The following FAM161A variants were observed in gnomAD, a reference collection of about 807,000 sequenced individuals.
The protein encoded by FAM161A is FAM161 centrosomal protein A.
FAM161A carries 57 observed loss-of-function variants against 70.9 expected under a neutral mutation model. The ratio of observed to expected loss-of-function variants is 0.80; its 90% confidence interval spans 0.65 to 1.00. The LOEUF is 1.00. FAM161A is among the 50% of genes least tolerant of loss of function. The pLI, the probability that FAM161A is intolerant of heterozygous loss-of-function variation, is 0.00. For synonymous variants in FAM161A, 299 were observed against 295.7 expected, an observed-to-expected ratio of 1.01 and a Z score of -0.12; for missense variants, 880 against 836.0, an observed-to-expected ratio of 1.05 and a Z score of -0.65.
intron 1 of FAM161A, among the ~76,000 whole-genome samples, chr2:61,852,757 G>A (rs960570937): frequency 6.6e-6 from 1 of 152,096 alleles, no homozygotes; most frequent in African/African-American, 2.4e-5. Flanking sequence ...GTCACAAAAG[G>A]TGTTGCTAAA....
At chr2:61,850,484 G>A (rs770930556) in intron 1 of FAM161A, among the ~76,000 whole-genome samples, 1 of 152,164 alleles carries the variant, frequency 6.6e-6, no homozygotes, top group Non-Finnish European at 1.5e-5. Context: ...AGGCACAGTG[G>A]CTCACGCCTA....
chr2:61,811,959 C>G, the FAM161A span, among the ~76,000 whole-genome samples: 1 of 152,146 alleles, frequency 6.6e-6, no homozygotes, highest in African/African-American at 2.4e-5. Context: ...CAACTCTCTC[C>G]ACGTCTCACT....
intron 1 of FAM161A, among the ~76,000 whole-genome samples, chr2:61,845,519 G>C (rs1437642091): frequency 1.3e-5 from 2 of 152,084 alleles, no homozygotes; most frequent in Non-Finnish European, 2.9e-5. Context: ...GGTAATATTT[G>C]AGATGAGTCA....
At chr2:61,810,604 A>G in the FAM161A span, among the ~76,000 whole-genome samples, 1 of 151,806 alleles carries the variant, frequency 6.6e-6, no homozygotes, top group East Asian at 1.9e-4. Context: ...GATTACAGGC[A>G]TGCATCACCA....
chr2:61,802,492 C>T, the FAM161A span, among the ~76,000 whole-genome samples: 1 of 152,062 alleles, frequency 6.6e-6, no homozygotes, highest in African/African-American at 2.4e-5. Flanking sequence ...GCTCTTGGCT[C>T]TATTTAACAT....
the FAM161A span, among the ~76,000 whole-genome samples, chr2:61,819,526 T>C: frequency 6.6e-6 from 1 of 152,074 alleles, no homozygotes; most frequent in East Asian, 1.9e-4. Flanking sequence ...GTCCTGAAAA[T>C]GTGGTGATGA....
At position 61,835,889 on chromosome 2, in the gene FAM161A, A is replaced by G. The variant is rs1672750013; in HGVS notation, c.1851+121T>C. ...TGATATGATGAAGCCAACACAAACA[A>G]CAATAATGTATCTCAACAGTTATAT... On this transcript the variant is annotated intron_variant, in intron 5 of 6. Transcript: ENST00000404929. 10 of 774,816 alleles carry G rather than the reference A, an allele frequency of 1.3e-5. No homozygotes were observed. The East Asian group carries it at 2.5e-4, about 19-fold the overall frequency. 48.0% of individuals were successfully genotyped at this position (774,816 alleles called of 1,614,324 possible). A position where few individuals can be genotyped will look rare whatever the true frequency, so the allele number is the denominator to read the frequency against.
the FAM161A span, among the ~76,000 whole-genome samples, chr2:61,811,973 C>G: frequency 2.0e-5 from 3 of 152,160 alleles, no homozygotes; most frequent in Non-Finnish European, 4.4e-5. Flanking sequence ...TCTCACTGCT[C>G]TGGCCTCACT....
At chr2:61,823,962 T>G (rs189321405), downstream of FAM161A, among the ~76,000 whole-genome samples, 12 of 152,240 alleles carry the variant, frequency 7.9e-5, no homozygotes, top group Admixed American at 2.6e-4. Flanking sequence ...ACCAGTTGAC[T>G]TCTAACCATC....
chr2:61,853,897 C>T lies in FAM161A; in HGVS notation c.145G>A (p.Glu49Lys). 1.2e-6 allele frequency: 2 copies of T among 1,613,964 alleles called. No homozygotes were observed. The highest frequency in any genetic ancestry group is 1.7e-6 in the Non-Finnish European group (2 of 1,179,834). Residue 49 changes from glutamate (E) to lysine (K), a missense_variant, in exon 1 of 7, where the codon GAA becomes AAA. By Grantham distance (56) the Glu-to-Lys change is moderately conservative. Coordinates refer to ENST00000404929, the MANE Select transcript of FAM161A (RefSeq NM_001201543.2). ...GGCTGAGCCACTTTCTCCTCCTCTT[C>T]GTCCTCCAAGATCGCCTCCGCTGCC... ...LAAAEAILED[E>K]EEEKVAQPAG...
At chr2:61,822,063 C>T (rs926586469), downstream of FAM161A, among the ~76,000 whole-genome samples, 2 of 151,706 alleles carry the variant, frequency 1.3e-5, no homozygotes, top group African/African-American at 4.8e-5. Context: ...GCCACTGTGC[C>T]TGGCAGAATG....
chr2:61,821,416 A>G (rs1479742602), downstream of FAM161A, among the ~76,000 whole-genome samples: 1 of 152,098 alleles, frequency 6.6e-6, no homozygotes, highest in East Asian at 1.9e-4. Context: ...TCCTTCTCTT[A>G]TTGACATTTA....
intron 2 of FAM161A, among the ~76,000 whole-genome samples, chr2:61,841,238 C>T (rs936486474): frequency 1.3e-5 from 2 of 152,158 alleles, no homozygotes; most frequent in Admixed American, 1.3e-4. Context: ...CGAAGTCAAG[C>T]CTAGATTACA....
chr2:61,808,845 T>A, the FAM161A span, among the ~76,000 whole-genome samples: 4 of 151,924 alleles, frequency 2.6e-5, no homozygotes, highest in Admixed American at 2.6e-4. Context: ...AAAGACCCAA[T>A]CACTAGTTAA....
intron 1 of FAM161A, among the ~76,000 whole-genome samples, chr2:61,851,327 T>G (rs893765100): frequency 6.6e-6 from 1 of 151,992 alleles, no homozygotes; most frequent in Admixed American, 6.6e-5. Context: ...TGAGATTTTA[T>G]TTTTTCTTTT....
chr2:61,843,263 G>A (rs1673087059), intron 1 of FAM161A, among the ~76,000 whole-genome samples: 1 of 152,106 alleles, frequency 6.6e-6, no homozygotes, highest in Admixed American at 6.6e-5. Flanking sequence ...AAGTAGCTGG[G>A]ATTACAGGCG....
the FAM161A span, among the ~76,000 whole-genome samples, chr2:61,804,461 G>C: frequency 6.6e-6 from 1 of 151,954 alleles, no homozygotes; most frequent in Non-Finnish European, 1.5e-5. Flanking sequence ...ACGGTGGGTG[G>C]ATCACCTGAG....
the FAM161A span, among the ~76,000 whole-genome samples, chr2:61,805,114 C>T: frequency 6.6e-6 from 1 of 152,120 alleles, no homozygotes; most frequent in African/African-American, 2.4e-5. Context: ...TCCATCTTAA[C>T]CAATTGCAAA....
chr2:61,844,477 T>C (rs1673135542), intron 1 of FAM161A, among the ~76,000 whole-genome samples: 3 of 152,078 alleles, frequency 2.0e-5, no homozygotes, highest in African/African-American at 7.2e-5. Context: ...GGCAGCCAGA[T>C]CACTTGAGGT....
Sources: gnomAD v4.1 joint callset for allele counts (sites outside exome capture counted in the v4.1 genomes callset) on GRCh38, gnomAD v4.1.1 for gene constraint, MANE v1.5 for transcripts, NCBI Gene and HGNC (gene_info 2026-07-23, HGNC 2026-07-21) for gene names.